The following KCNH8 variants were observed in gnomAD, a reference collection of about 807,000 sequenced individuals.
KCNH8 encodes the protein potassium voltage-gated channel subfamily H member 8.
Under a neutral mutation model 103.6 loss-of-function variants are expected in KCNH8, and 70 were observed. The ratio of observed to expected loss-of-function variants is 0.68; its 90% CI spans 0.56 to 0.82. The LOEUF is 0.82. Among genes scored for constraint, KCNH8 ranks in the 40% least tolerant of loss-of-function variants. KCNH8 has a pLI of 0.00. For synonymous variants in KCNH8, 498 were observed against 489.4 expected (o/e 1.02, Z -0.23); for missense variants, 1,217 against 1,329.9 (o/e 0.92, Z 1.32).
chr3:19,412,410 TA>T (rs1479408128), intron 7 of KCNH8, among the ~76,000 whole-genome samples: 16 of 152,022 alleles, frequency 1.1e-4, no homozygotes, highest in African/African-American at 3.9e-4. Flanking sequence ...ATTAAAGAGT[TA>T]AATGTAAGAC....
intron 11 of KCNH8, among the ~76,000 whole-genome samples, chr3:19,475,270 T>TG (rs1361979556): frequency 6.6e-6 from 1 of 152,204 alleles, no homozygotes; most frequent in Non-Finnish European, 1.5e-5. Flanking sequence ...AACTGAATGA[T>TG]GACTTTGTAC....
intron 11 of KCNH8, among the ~76,000 whole-genome samples, chr3:19,498,751 G>A (rs924869502): frequency 6.6e-6 from 1 of 152,050 alleles, no homozygotes; most frequent in African/African-American, 2.4e-5. Context: ...TGTACAGATG[G>A]GTTTTTTGGT....
chr3:19,319,380 C>T (rs571194234), intron 3 of KCNH8, among the ~76,000 whole-genome samples: 5 of 151,916 alleles, frequency 3.3e-5, no homozygotes, highest in South Asian at 4.1e-4. Context: ...TTCTTCTACA[C>T]GTGGCTTGCC....
At position 19,469,522 on chromosome 3, in the gene KCNH8, C is replaced by T. The variant is rs796513193; in HGVS notation, c.2040+12540C>T. Reference sequence around the variant, plus strand: ...TGGCGCGATCTCGGCTCACTGCAACCTCTGCCTCCGGGGTTCAAGTGATTC... The same window carrying T: ...TGGCGCGATCTCGGCTCACTGCAACTTCTGCCTCCGGGGTTCAAGTGATTC... On this transcript the variant is annotated intron_variant, in intron 11 of 15. Transcript: ENST00000328405. Among the ~76,000 whole-genome samples, 33 of 152,248 alleles carry T rather than the reference C, an allele frequency of 2.2e-4. 1 individual carries two copies. Among genetic ancestry groups the T allele is most frequent in the African/African-American group, 7.9e-4 (33 of 41,534 alleles).
intron 7 of KCNH8, among the ~76,000 whole-genome samples, chr3:19,413,364 C>T (rs1184318602): frequency 6.6e-6 from 1 of 151,782 alleles, no homozygotes; most frequent in Non-Finnish European, 1.5e-5. Flanking sequence ...ACAGCAGCAA[C>T]TGGGGACTAC....
intron 11 of KCNH8, among the ~76,000 whole-genome samples, chr3:19,460,776 GAGA>G (rs2067611830): frequency 1.3e-5 from 2 of 152,154 alleles, no homozygotes; most frequent in Non-Finnish European, 2.9e-5. Context: ...GGACCAGGTG[GAGA>G]TAATTGAATC....
chr3:19,485,731 G>A (rs1020195649), intron 11 of KCNH8, among the ~76,000 whole-genome samples: 3 of 152,294 alleles, frequency 2.0e-5, no homozygotes, highest in Non-Finnish European at 2.9e-5. Context: ...GGTAGATGCT[G>A]CTTTTCGAGC....
At chr3:19,169,247 CTTTCTTTCTTT>C (rs1240832185) in intron 1 of KCNH8, among the ~76,000 whole-genome samples, 4 of 143,988 alleles carry the variant, frequency 2.8e-5, no homozygotes, top group African/African-American at 1.1e-4. Flanking sequence ...TCTTTTGTTT[CTTTCTTTCTTT>C]TTTTTTTTTT....
At chr3:19,342,349 T>C (rs1258956206) in intron 3 of KCNH8, among the ~76,000 whole-genome samples, 4 of 152,124 alleles carry the variant, frequency 2.6e-5, no homozygotes, top group Non-Finnish European at 4.4e-5. Flanking sequence ...ATTTTAAAGT[T>C]CTTCTGTGTT....
chr3:19,258,281 G>A (rs993220621), intron 2 of KCNH8, among the ~76,000 whole-genome samples: 3 of 151,998 alleles, frequency 2.0e-5, no homozygotes, highest in Non-Finnish European at 2.9e-5. Flanking sequence ...AACCCCGAAT[G>A]CATAAACATT....
intron 15 of KCNH8, among the ~76,000 whole-genome samples, chr3:19,525,633 C>T (rs566397797): frequency 3.9e-5 from 6 of 152,036 alleles, no homozygotes; most frequent in African/African-American, 7.2e-5. Context: ...AGAAACTCAA[C>T]GAAGCTATTG....
At chr3:19,332,046 T>C (rs1224773728) in intron 3 of KCNH8, among the ~76,000 whole-genome samples, 1 of 147,054 alleles carries the variant, frequency 6.8e-6, no homozygotes, top group Non-Finnish European at 1.5e-5. Context: ...ATTTTTGCAT[T>C]ACGTTAGTTT....
intron 11 of KCNH8, among the ~76,000 whole-genome samples, chr3:19,480,558 G>T (rs949705943): frequency 6.6e-6 from 1 of 152,140 alleles, no homozygotes; most frequent in Non-Finnish European, 1.5e-5. Flanking sequence ...GCCAAAGTCA[G>T]GTATGAGCCT....
intron 11 of KCNH8, among the ~76,000 whole-genome samples, chr3:19,504,814 C>T (rs1169879568): frequency 6.6e-6 from 1 of 151,998 alleles, no homozygotes; most frequent in Non-Finnish European, 1.5e-5. Flanking sequence ...ACTCAACAAT[C>T]ACATTATTGG....
chr3:19,159,291 T>G (rs186696665), intron 1 of KCNH8, among the ~76,000 whole-genome samples: 8 of 151,784 alleles, frequency 5.3e-5, no homozygotes, highest in South Asian at 2.1e-4. Flanking sequence ...TGAATATATA[T>G]AGAGAGATAT....
At position 19,513,278 on chromosome 3, in the gene KCNH8, G is replaced by T. The variant is rs1290546531; in HGVS notation, c.2388G>T (p.Leu796Phe). 1 of 1,612,344 alleles carries T rather than the reference G, an allele frequency of 6.2e-7. No homozygotes were observed. Among genetic ancestry groups the T allele is most frequent in the Non-Finnish European group, 8.5e-7 (1 of 1,179,410 alleles). ...AAAGGAAAGAGAAGAACTTGAAATTGCAACTTTCAACTTTGAATAATGCTG... is the reference window on the plus strand; with the variant it reads ...AAAGGAAAGAGAAGAACTTGAAATTTCAACTTTCAACTTTGAATAATGCTG... ...HNKRKEKNLK[L>F]QLSTLNNAGP... The change falls in exon 13 of 16, where the codon TTG becomes TTT. Residue 796 changes from leucine (L) to phenylalanine (F), a missense_variant. This residue lies in a region of KCNH8 where 558 missense variants were observed against 495.8 expected (regional missense o/e 1.13). Transcript: ENST00000328405.
At chr3:19,190,929 A>G (rs1024247619) in intron 1 of KCNH8, among the ~76,000 whole-genome samples, 2 of 151,896 alleles carry the variant, frequency 1.3e-5, no homozygotes, top group Non-Finnish European at 2.9e-5. Context: ...AAATGAACAT[A>G]TGTAATACTG....
chr3:19,419,278 C>G (rs1229716202), intron 7 of KCNH8, among the ~76,000 whole-genome samples: 1 of 146,582 alleles, frequency 6.8e-6, no homozygotes, highest in Non-Finnish European at 1.5e-5. Context: ...CGGCTCACTG[C>G]AAGCTCTGCC....
intron 1 of KCNH8, among the ~76,000 whole-genome samples, chr3:19,152,544 T>A (rs1479972138): frequency 6.6e-6 from 1 of 152,200 alleles, no homozygotes; most frequent in Admixed American, 6.5e-5. Flanking sequence ...AAGATTCCAA[T>A]CAAAGTATTC....
Sources: gnomAD v4.1 joint callset for allele counts (sites outside exome capture counted in the v4.1 genomes callset) on GRCh38, gnomAD v4.1.1 for gene constraint, gnomAD v4.1.1 regional missense constraint, MANE v1.5 for transcripts, NCBI Gene and HGNC (gene_info 2026-07-23, HGNC 2026-07-21) for gene names.